The following NPAT variants were observed in gnomAD, a reference collection of about 807,000 sequenced individuals.
NPAT encodes nuclear protein, coactivator of histone transcription, also known as protein NPAT.
In NPAT, 52 loss-of-function variants were observed where a neutral mutation model predicts 130.7. The observed-to-expected ratio is 0.40, with a 90% confidence interval of 0.32 to 0.50. NPAT has a LOEUF of 0.50. NPAT is among the 20% of genes least tolerant of loss of function. The pLI is 0.68. For missense variants in NPAT, 1,687 were observed against 1,662.6 expected (o/e 1.01, Z -0.26); for synonymous variants, 580 against 584.8 (o/e 0.99, Z 0.12).
chr11:108,195,614 A>G (rs115832085), intron 2 of NPAT, among the ~76,000 whole-genome samples: 3,275 of 147,906 alleles, frequency 0.022, 87 homozygotes, highest in African/African-American at 0.068. Context: ...GACATGTAAG[A>G]TATAAATATT....
At chr11:108,194,973 G>A (rs1242357165) in intron 2 of NPAT, among the ~76,000 whole-genome samples, 3 of 152,102 alleles carry the variant, frequency 2.0e-5, no homozygotes, top group South Asian at 2.1e-4. Context: ...ACAGGCGCAC[G>A]CCATCATGCC....
At chr11:108,215,553 T>C (rs1458125994) in intron 1 of NPAT, among the ~76,000 whole-genome samples, 1 of 152,202 alleles carries the variant, frequency 6.6e-6, no homozygotes, top group Non-Finnish European at 1.5e-5. Flanking sequence ...ATGTCTAACG[T>C]CTCTTCCAAC....
chr11:108,172,613 A>G lies in NPAT; in HGVS notation c.2371T>C (p.Ser791Pro). Residue 791 changes from serine to proline, a missense_variant, in exon 13 of 18, where the codon TCT becomes CCT. Physicochemically the swap from Ser to Pro is moderately conservative, Grantham distance 74 (BLOSUM62 -1). Transcript: ENST00000278612. ...TKNAELVKCLSSEETVGAVVY... is the reference protein window; with the variant it reads ...TKNAELVKCLPSEETVGAVVY... ...ACAGCACCTACAGTTTCTTCTGAAG[A>G]TAGGCATTTAACTAGTTCTGCATTT... is the stretch of plus-strand genomic sequence containing the variant. 6.2e-7 allele frequency: 1 copy of G among 1,614,208 alleles called. No individual in the cohort carries two copies. The highest frequency in any genetic ancestry group is 1.7e-4 in the Middle Eastern group (1 of 6,060).
At chr11:108,166,737 C>T (rs2077906086) in intron 15 of NPAT, among the ~76,000 whole-genome samples, 1 of 152,162 alleles carries the variant, frequency 6.6e-6, no homozygotes, top group Admixed American at 6.5e-5. Flanking sequence ...GTCCTCTGCT[C>T]TTCTATCTTG....
chr11:108,180,537 A>G, intron 10 of NPAT, among the ~76,000 whole-genome samples: 1 of 152,234 alleles, frequency 6.6e-6, no homozygotes, highest in East Asian at 1.9e-4. Flanking sequence ...CCACTATCAA[A>G]GCAACAAAAA....
intron 17 of NPAT, among the ~76,000 whole-genome samples, chr11:108,159,971 T>C (rs543401978): frequency 1.2e-4 from 18 of 151,502 alleles, no homozygotes; most frequent in African/African-American, 4.4e-4. Flanking sequence ...GCCAACACGG[T>C]GAAACCCCAT....
chr11:108,162,233 G>C, intron 15 of NPAT, 53 bp from the exon 16 acceptor site: 1 of 1,493,458 alleles, frequency 6.7e-7, no homozygotes. Context: ...CTCTGAAAGA[G>C]GATAGAACAG....
intron 15 of NPAT, among the ~76,000 whole-genome samples, chr11:108,164,926 G>T: frequency 6.6e-6 from 1 of 152,136 alleles, no homozygotes; most frequent in East Asian, 1.9e-4. Flanking sequence ...CAGAAGAATT[G>T]CTTGAACCCA....
In NPAT at chr11:108,192,016, G is replaced by A. The variant is rs2078174643; in HGVS notation, c.290+102C>T. On this transcript the variant is annotated intron_variant, in intron 4 of 17. Coordinates refer to ENST00000278612, the MANE Select transcript of NPAT (RefSeq NM_002519.3). ...CAACCTCTAGAGTAATTTCAAAACT[G>A]GATGAGTGTTATATAAGTACACTGT... is the stretch of plus-strand genomic sequence containing the variant. 4.8e-6 allele frequency: 4 copies of A among 831,940 alleles called. No individual in the cohort carries two copies. The South Asian group carries it at 5.4e-5, about 11-fold the overall frequency. 51.5% of individuals were successfully genotyped at this position (831,940 alleles called of 1,614,324 possible).
At chr11:108,186,011 A>G (rs1405144376) in intron 8 of NPAT, among the ~76,000 whole-genome samples, 1 of 148,068 alleles carries the variant, frequency 6.8e-6, no homozygotes, top group African/African-American at 2.5e-5. Context: ...ACAAGCCACT[A>G]CTCGCCGGCC....
chr11:108,200,244 G>C (rs1316350857), intron 1 of NPAT, among the ~76,000 whole-genome samples: 1 of 152,050 alleles, frequency 6.6e-6, no homozygotes, highest in African/African-American at 2.4e-5. Context: ...TTTCCCTCTT[G>C]GGAGGCAACT....
chr11:108,197,050 G>A (rs748602355), intron 2 of NPAT, among the ~76,000 whole-genome samples: 5 of 152,116 alleles, frequency 3.3e-5, no homozygotes, highest in African/African-American at 1.2e-4. Context: ...CAGCAGCAGC[G>A]AAACTAATCA....
In NPAT at chr11:108,172,324, A is replaced by G. The variant is rs1351565154; in HGVS notation, c.2660T>C (p.Val887Ala). The change falls in exon 13 of 18, where the codon GTA becomes GCA. Residue 887 changes from valine (V) to alanine (A), a missense_variant. Around this residue, in one of 3 missense-constraint regions of NPAT, gnomAD observed 1,379 missense variants for 1,346.6 expected, o/e 1.02. Coordinates refer to ENST00000278612, the MANE Select transcript of NPAT (RefSeq NM_002519.3). ...ALGTSVSQSN[V>A]VVLPGNSAPM... Reference sequence around the variant, plus strand: ...TGCAGAATTTCCAGGCAACACCACTACATTAGACTGACTTACAGATGTTCC... The same window carrying G: ...TGCAGAATTTCCAGGCAACACCACTGCATTAGACTGACTTACAGATGTTCC... 6.2e-7 allele frequency: 1 copy of G among 1,614,196 alleles called. No homozygotes were observed.
chr11:108,213,188 G>A (rs150428643), intron 1 of NPAT, among the ~76,000 whole-genome samples: 2,092 of 150,860 alleles, frequency 0.014, 48 homozygotes, highest in African/African-American at 0.048. Context: ...CAGGAGAATC[G>A]CTTGAACCCG....
chr11:108,207,883 C>T (rs754490934), intron 1 of NPAT, among the ~76,000 whole-genome samples: 8 of 152,232 alleles, frequency 5.3e-5, no homozygotes, highest in Non-Finnish European at 7.3e-5. Flanking sequence ...CCACACCTCC[C>T]GTGCTGCAGC....
chr11:108,222,627 A>T lies in NPAT; in HGVS notation c.-91T>A, dbSNP rs1028004464. 8.4e-6 allele frequency: 12 copies of T among 1,423,248 alleles called. No homozygotes were observed. In the Admixed American group the frequency reaches 2.0e-4, roughly 24 times the overall value. 88.2% of individuals were successfully genotyped at this position (1,423,248 alleles called of 1,614,324 possible). On this transcript the variant is annotated 5_prime_UTR_variant, in exon 1 of 18. Coordinates refer to ENST00000278612, the MANE Select transcript of NPAT (RefSeq NM_002519.3). ...CTCCTGCGCCGCATCTCCTGGTTCC[A>T]GTGGCGGCACTGAACTCGCGGCAAT... is the stretch of plus-strand genomic sequence containing the variant.
At chr11:108,164,051 T>C (rs1299187967) in intron 15 of NPAT, among the ~76,000 whole-genome samples, 1 of 152,204 alleles carries the variant, frequency 6.6e-6, no homozygotes, top group Non-Finnish European at 1.5e-5. Flanking sequence ...GTTATTTCTT[T>C]AAGAAAGAAG....
intron 2 of NPAT, among the ~76,000 whole-genome samples, chr11:108,196,422 C>T (rs977338949): frequency 3.3e-5 from 5 of 152,156 alleles, no homozygotes; most frequent in African/African-American, 1.2e-4. Flanking sequence ...TTAGGCTATT[C>T]TAGTTTCTTT....
At chr11:108,210,993 G>C (rs956853973) in intron 1 of NPAT, among the ~76,000 whole-genome samples, 1 of 152,110 alleles carries the variant, frequency 6.6e-6, no homozygotes, top group African/African-American at 2.4e-5. Flanking sequence ...GGCCGAGGTG[G>C]GTGGATCATG....
Sources: gnomAD v4.1 joint callset for allele counts (sites outside exome capture counted in the v4.1 genomes callset) on GRCh38, gnomAD v4.1.1 for gene constraint, gnomAD v4.1.1 regional missense constraint, MANE v1.5 for transcripts, NCBI Gene and HGNC (gene_info 2026-07-23, HGNC 2026-07-21) for gene names.